CNTLN: variants seen among roughly 807,000 people sequenced by gnomAD.
The protein encoded by CNTLN is centlein, centrosomal protein.
In CNTLN, 212 loss-of-function variants were observed where a neutral mutation model predicts 180.0. The observed-to-expected ratio is 1.18, with a 90% CI of 1.05 to 1.32. The LOEUF is 1.32. Among genes scored for constraint, CNTLN ranks in the 40% most tolerant of loss-of-function variants. The pLI is 0.00. For synonymous variants in CNTLN, 722 were observed against 563.1 expected (o/e 1.28, Z -3.99); for missense variants, 2,095 against 1,610.9 (o/e 1.30, Z -5.14).
intron 2 of CNTLN, among the ~76,000 whole-genome samples, chr9:17,182,140 C>G (rs901223223): frequency 6.6e-6 from 1 of 151,694 alleles, no homozygotes; most frequent in Non-Finnish European, 1.5e-5. Context: ...GTGGCCTTTG[C>G]TAGCATGAGT....
In CNTLN at chr9:17,457,764, C is replaced by T. The variant is rs556718785; in HGVS notation, c.3306+49C>T. 35 of 1,135,648 alleles carry T rather than the reference C, an allele frequency of 3.1e-5. 1 individual carries two copies. The South Asian group carries it at 5.5e-4, about 18-fold the overall frequency. The allele number at this position is 1,135,648 out of a possible 1,614,324, so 70.3% of individuals were successfully genotyped here. ...TGAAAACATACATTATGCTTGAATC[C>T]TGCAAGACATATTTATATGAACACT... On this transcript the variant is annotated intron_variant, in intron 19 of 25. Coordinates refer to ENST00000380647, the MANE Select transcript of CNTLN (RefSeq NM_017738.4).
At chr9:17,168,087 A>G (rs1277836323) in intron 2 of CNTLN, 1 of 152,190 alleles carries the variant, frequency 6.6e-6, no homozygotes, top group Non-Finnish European at 1.5e-5. Context: ...TGTATATAAT[A>G]GTTTTTGCTA....
chr9:17,509,269 G>A, the CNTLN span, among the ~76,000 whole-genome samples: 1 of 152,192 alleles, frequency 6.6e-6, no homozygotes, highest in African/African-American at 2.4e-5. Flanking sequence ...GGGGTGATCA[G>A]CCAGCTACCT....
intron 2 of CNTLN, among the ~76,000 whole-genome samples, chr9:17,159,091 A>G (rs988241758): frequency 2.0e-5 from 3 of 152,094 alleles, no homozygotes; most frequent in African/African-American, 7.2e-5. Context: ...CTTATTTAGA[A>G]GTGTGTTGTT....
At chr9:17,505,165 A>C (rs1477568123), downstream of CNTLN, among the ~76,000 whole-genome samples, 1 of 152,092 alleles carries the variant, frequency 6.6e-6, no homozygotes, top group East Asian at 1.9e-4. Context: ...GAAAACTATA[A>C]ATAGGAACTT....
chr9:17,175,138 A>T (rs1820643731), intron 2 of CNTLN, among the ~76,000 whole-genome samples: 1 of 152,120 alleles, frequency 6.6e-6, no homozygotes, highest in Non-Finnish European at 1.5e-5. Context: ...AAAATTTAAA[A>T]TTTTGATGAA....
chr9:17,485,496 T>C (rs1251839479), intron 24 of CNTLN, among the ~76,000 whole-genome samples: 1 of 152,272 alleles, frequency 6.6e-6, no homozygotes, highest in Non-Finnish European at 1.5e-5. Flanking sequence ...CTTTGAAGTA[T>C]AAGAACAATA....
chr9:17,325,283 CAT>C (rs57089574), intron 8 of CNTLN, among the ~76,000 whole-genome samples: 42,934 of 150,284 alleles, frequency 0.29, 6,485 homozygotes, highest in South Asian at 0.52. Context: ...TGGTAATAGA[CAT>C]ATTGCTGCAT....
At position 17,348,533 on chromosome 9, in the gene CNTLN, T is replaced by TTTCTTTC. The variant is rs1491537026; in HGVS notation, c.1886+6091_1886+6092insCTTTCTT. 4.7e-3 allele frequency among the ~76,000 whole-genome samples: 586 copies of TTTCTTTC among 126,016 alleles called. 2 individuals are homozygous for TTTCTTTC. The highest frequency in any genetic ancestry group is 0.02 in the African/African-American group (561 of 27,662). The allele number at this position is 126,016 out of a possible 152,430, so 82.7% of individuals were successfully genotyped here. ...TCTGCTTTCTTTCTTTCTTTCTTTC[T>TTTCTTTC]TTTTTTTTTTTTTTTGAGACGGAGT... On this transcript the variant is annotated intron_variant, in intron 12 of 25. Transcript: ENST00000380647.
At chr9:17,212,005 G>A (rs1427074833) in intron 2 of CNTLN, among the ~76,000 whole-genome samples, 2 of 152,274 alleles carry the variant, frequency 1.3e-5, no homozygotes, top group African/African-American at 4.8e-5. Context: ...TGCAAACAGG[G>A]ACAATTTGAC....
chr9:17,239,958 C>A (rs1825386458), intron 5 of CNTLN, among the ~76,000 whole-genome samples: 1 of 152,092 alleles, frequency 6.6e-6, no homozygotes, highest in Admixed American at 6.6e-5. Context: ...GTTGTATTTT[C>A]ATATGAATTT....
intron 10 of CNTLN, among the ~76,000 whole-genome samples, chr9:17,339,818 A>G (rs147222694): frequency 6.0e-4 from 91 of 152,300 alleles, no homozygotes; most frequent in East Asian, 3.9e-3. Flanking sequence ...CATTTTATAT[A>G]TATCTAAAAA....
intron 7 of CNTLN, among the ~76,000 whole-genome samples, chr9:17,308,638 A>G (rs1818910394): frequency 6.6e-6 from 1 of 151,484 alleles, no homozygotes; most frequent in South Asian, 2.1e-4. Context: ...CATTTCTTCT[A>G]TCTTTAGAAT....
chr9:17,249,603 C>A (rs542840673), intron 5 of CNTLN, among the ~76,000 whole-genome samples: 3 of 151,952 alleles, frequency 2.0e-5, no homozygotes, highest in Admixed American at 2.0e-4. Flanking sequence ...CCTTCCTCGG[C>A]CCCCCAAAGT....
intron 13 of CNTLN, among the ~76,000 whole-genome samples, chr9:17,377,887 T>A (rs998266513): frequency 6.6e-6 from 1 of 152,220 alleles, no homozygotes; most frequent in Non-Finnish European, 1.5e-5. Context: ...AAAACTTAAA[T>A]AGAATATGTC....
At chr9:17,291,662 A>G (rs1014764836) in intron 6 of CNTLN, among the ~76,000 whole-genome samples, 1 of 151,906 alleles carries the variant, frequency 6.6e-6, no homozygotes, top group Non-Finnish European at 1.5e-5. Flanking sequence ...TGCTTGGTAT[A>G]TTTTCCTCCA....
rs201245270 is a variant in CNTLN at position 17,473,785 on chromosome 9, A to G, written c.3855+6894A>G. 3.3e-5 allele frequency among the ~76,000 whole-genome samples: 5 copies of G among 152,262 alleles called. No homozygotes were observed. In the East Asian group the frequency reaches 9.7e-4, roughly 29 times the overall value. ...GCTTTCAATCTTATTACCCCGCCAA[A>G]GTAGTTTATTCAAAGTCACCAGTAA... is the stretch of plus-strand genomic sequence containing the variant. On this transcript the variant is annotated intron_variant, in intron 23 of 25. Coordinates refer to ENST00000380647, the MANE Select transcript of CNTLN (RefSeq NM_017738.4).
chr9:17,181,105 A>C (rs1027044025), intron 2 of CNTLN, among the ~76,000 whole-genome samples: 2 of 152,130 alleles, frequency 1.3e-5, no homozygotes. Context: ...AAACTTGATA[A>C]ATTTTGAGTC....
intron 18 of CNTLN, among the ~76,000 whole-genome samples, chr9:17,453,320 A>G (rs1172876269): frequency 4.6e-5 from 7 of 152,162 alleles, no homozygotes; most frequent in Non-Finnish European, 8.8e-5. Context: ...CTGAAAAGAA[A>G]ATGGGACAGT....
Sources: gnomAD v4.1 joint callset for allele counts (sites outside exome capture counted in the v4.1 genomes callset) on GRCh38, gnomAD v4.1.1 for gene constraint, MANE v1.5 for transcripts, NCBI Gene and HGNC (gene_info 2026-07-23, HGNC 2026-07-21) for gene names.